Variants in ASTN2 observed in about 807,000 individuals in gnomAD.
ASTN2 encodes astrotactin-2.
ASTN2 carries 54 observed loss-of-function variants against 139.8 expected under a neutral mutation model. That is an observed-to-expected ratio of 0.39 (90% CI 0.31 to 0.48). The LOEUF is 0.48. Among genes scored for constraint, ASTN2 ranks in the 20% least tolerant of loss-of-function variants. The pLI, the probability that ASTN2 is intolerant of heterozygous loss-of-function variation, is 0.95. For synonymous variants in ASTN2, 756 were observed against 719.5 expected, an observed-to-expected ratio of 1.05 and a Z score of -0.81; for missense variants, 1,565 against 1,725.1, an observed-to-expected ratio of 0.91 and a Z score of 1.64.
chr9:116,428,059 C>T (rs1746308940), intron 22 of ASTN2, among the ~76,000 whole-genome samples: 1 of 152,190 alleles, frequency 6.6e-6, no homozygotes, highest in Non-Finnish European at 1.5e-5. Context: ...AGAAGATGGA[C>T]AAATGGAGAT....
At position 116,486,384 on chromosome 9, in the gene ASTN2, G is replaced by A. The variant is rs144803604; in HGVS notation, c.3497+975C>T. 5.8e-3 allele frequency among the ~76,000 whole-genome samples: 891 copies of A among 152,316 alleles called. 4 individuals carry two copies. The highest frequency in any genetic ancestry group is 0.02 in the African/African-American group (815 of 41,558). On this transcript the variant is annotated intron_variant, in intron 20 of 22. Coordinates refer to ENST00000313400, the MANE Select transcript of ASTN2 (RefSeq NM_001365068.1). ...ATTAATGTAATGAAGGAATGTAAGAGCAGGTGAATAGATGGATGAAGAGAC... is the reference window on the plus strand; with the variant it reads ...ATTAATGTAATGAAGGAATGTAAGAACAGGTGAATAGATGGATGAAGAGAC...
intron 6 of ASTN2, among the ~76,000 whole-genome samples, chr9:117,032,308 G>C (rs953768408): frequency 2.0e-5 from 3 of 152,252 alleles, no homozygotes; most frequent in Admixed American, 6.5e-5. Context: ...CAGATACCAG[G>C]TAGGACAGTC....
At chr9:116,806,042 A>G (rs1831021328) in intron 12 of ASTN2, among the ~76,000 whole-genome samples, 1 of 152,198 alleles carries the variant, frequency 6.6e-6, no homozygotes, top group Admixed American at 6.5e-5. Context: ...ATTTTGGAGG[A>G]GTCAAGGGGA....
intron 19 of ASTN2, among the ~76,000 whole-genome samples, chr9:116,523,000 C>T (rs906325818): frequency 4.6e-5 from 7 of 152,044 alleles, no homozygotes; most frequent in African/African-American, 1.7e-4. Flanking sequence ...CCTCATATGC[C>T]CTACGAACCC....
chr9:117,055,610 A>G (rs1587910422), intron 5 of ASTN2, among the ~76,000 whole-genome samples: 1 of 152,356 alleles, frequency 6.6e-6, no homozygotes, highest in South Asian at 2.1e-4. Flanking sequence ...ATCAGAGGAT[A>G]TTTACACGAG....
At chr9:116,763,521 C>T (rs1261203621) in intron 13 of ASTN2, among the ~76,000 whole-genome samples, 2 of 152,090 alleles carry the variant, frequency 1.3e-5, no homozygotes, top group African/African-American at 4.8e-5. Context: ...TGCAAAGAGG[C>T]AAGAGAATAC....
At chr9:117,203,115 C>CT (rs139478124) in intron 3 of ASTN2, among the ~76,000 whole-genome samples, 1,937 of 151,746 alleles carry the variant, frequency 0.013, 31 homozygotes, top group East Asian at 0.082. Context: ...CTTTCTTCTG[C>CT]TTGGTTGATT....
chr9:116,788,764 A>G (rs1275406646), intron 13 of ASTN2, among the ~76,000 whole-genome samples: 3 of 152,148 alleles, frequency 2.0e-5, no homozygotes, highest in Non-Finnish European at 4.4e-5. Context: ...GAAGAATTCA[A>G]TCCTATTTTT....
chr9:117,253,996 C>A (rs1833612385), intron 2 of ASTN2, among the ~76,000 whole-genome samples: 1 of 152,174 alleles, frequency 6.6e-6, no homozygotes, highest in African/African-American at 2.4e-5. Flanking sequence ...CAGCCCTGAA[C>A]AGCATCCCGA....
intron 2 of ASTN2, among the ~76,000 whole-genome samples, chr9:117,252,666 A>G (rs1588135304): frequency 6.6e-6 from 1 of 152,222 alleles, no homozygotes; most frequent in Non-Finnish European, 1.5e-5. Flanking sequence ...CAGCAATTCT[A>G]TGAGGCAGTT....
chr9:116,542,258 C>T (rs1219674594), intron 19 of ASTN2, among the ~76,000 whole-genome samples: 1 of 152,094 alleles, frequency 6.6e-6, no homozygotes, highest in Non-Finnish European at 1.5e-5. Flanking sequence ...AATTTGCCTT[C>T]AAGAAAGTTT....
At chr9:117,315,588 T>C (rs916886959) in intron 1 of ASTN2, among the ~76,000 whole-genome samples, 6 of 152,246 alleles carry the variant, frequency 3.9e-5, no homozygotes, top group Non-Finnish European at 8.8e-5. Context: ...TGTATGCATA[T>C]TCTGACATAC....
At chr9:116,705,827 G>C (rs942803092) in intron 16 of ASTN2, among the ~76,000 whole-genome samples, 2 of 152,154 alleles carry the variant, frequency 1.3e-5, no homozygotes, top group Non-Finnish European at 2.9e-5. Context: ...TCTGGTTGCT[G>C]AAGGGCCTTA....
chr9:117,156,776 A>G (rs916668214), intron 3 of ASTN2, among the ~76,000 whole-genome samples: 1 of 152,074 alleles, frequency 6.6e-6, no homozygotes, highest in East Asian at 1.9e-4. Flanking sequence ...ACAATGCTTC[A>G]AGTCCATTAT....
At chr9:117,352,085 T>C (rs977775669) in intron 1 of ASTN2, among the ~76,000 whole-genome samples, 1 of 152,190 alleles carries the variant, frequency 6.6e-6, no homozygotes, top group African/African-American at 2.4e-5. Flanking sequence ...GACTTCTCAA[T>C]ATACCTTTAT....
At chr9:116,929,435 A>G (rs1834841561) in intron 10 of ASTN2, among the ~76,000 whole-genome samples, 1 of 152,140 alleles carries the variant, frequency 6.6e-6, no homozygotes, top group Non-Finnish European at 1.5e-5. Flanking sequence ...GCAGGAAGTG[A>G]ACCCTAAGGA....
intron 3 of ASTN2, among the ~76,000 whole-genome samples, chr9:117,167,699 C>T (rs1403559318): frequency 6.6e-6 from 1 of 152,020 alleles, no homozygotes; most frequent in Non-Finnish European, 1.5e-5. Flanking sequence ...AGGCTCTGAA[C>T]AAGGAAGACA....
intron 1 of ASTN2, among the ~76,000 whole-genome samples, chr9:117,310,120 A>T (rs1273633094): frequency 2.0e-5 from 3 of 152,292 alleles, no homozygotes; most frequent in Admixed American, 2.0e-4. Flanking sequence ...GTGTACACAT[A>T]TACACAAATA....
chr9:116,963,916 A>C (rs1209764209), intron 10 of ASTN2, among the ~76,000 whole-genome samples: 1 of 152,134 alleles, frequency 6.6e-6, no homozygotes. Context: ...CCTTGACTAA[A>C]GGCCTCAGCT....
Sources: allele counts gnomAD v4.1 joint callset (sites outside exome capture counted in the v4.1 genomes callset), GRCh38; gene constraint gnomAD v4.1.1; transcripts MANE v1.5; gene names NCBI Gene and HGNC (gene_info 2026-07-23, HGNC 2026-07-21).